The following PINLYP variants were observed in gnomAD, a reference collection of about 807,000 sequenced individuals.
PINLYP encodes the protein phospholipase A2 inhibitor and LY6/PLAUR domain containing.
PINLYP carries 12 observed loss-of-function variants against 15.8 expected under a neutral mutation model. The ratio of observed to expected loss-of-function variants is 0.76; its 90% CI spans 0.49 to 1.23. The LOEUF is 1.23. Ranked by LOEUF, PINLYP falls within the 50% of genes most tolerant of loss-of-function variation. The probability of loss-of-function intolerance (pLI) is 0.00; values close to 1 mark genes in which losing one functional copy is unlikely to be tolerated. For synonymous variants in PINLYP, 93 were observed against 97.7 expected, an observed-to-expected ratio of 0.95 and a Z score of 0.28; for missense variants, 278 against 264.2, an observed-to-expected ratio of 1.05 and a Z score of -0.36.
At chr19:43,577,376 CG>C in intron 2 of PINLYP, 115 bp downstream of exon 2, 1 of 1,099,208 alleles carries the variant, frequency 9.1e-7, no homozygotes, top group Middle Eastern at 2.2e-4. Flanking sequence ...TCAAGGTGAA[CG>C]GGGAGGCATT....
intron 3 of PINLYP, chr19:43,580,816 G>C: frequency 1.7e-6 from 1 of 592,796 alleles, no homozygotes; most frequent in Non-Finnish European, 2.2e-6. Flanking sequence ...AGACCGCCCC[G>C]GCCGGGCTGG....
chr19:43,581,437 G>A (rs1231427380), intron 4 of PINLYP, 73 bp downstream of exon 4: 3 of 1,521,694 alleles, frequency 2.0e-6, no homozygotes, highest in African/African-American at 1.4e-5. Context: ...TGCTGGCTCT[G>A]AGCCTGTTTC....
chr19:43,579,468 A>G (rs2146082268), intron 3 of PINLYP, among the ~76,000 whole-genome samples: 1 of 151,476 alleles, frequency 6.6e-6, no homozygotes, highest in African/African-American at 2.4e-5. Flanking sequence ...GCTGGTCTCT[A>G]ACTCCTGACC....
chr19:43,580,044 C>G (rs376196542), intron 3 of PINLYP, among the ~76,000 whole-genome samples: 1 of 152,090 alleles, frequency 6.6e-6, no homozygotes, highest in South Asian at 2.1e-4. Context: ...AAGAGACTTT[C>G]AATCACAGGA....
chr19:43,578,573 C>A lies in PINLYP; in HGVS notation c.71-17C>A. ...CACCACCCATGACTACAGCCTCGCC[C>A]TCTGTCTACACTGCAGGGTGCCCAC... On this transcript the variant is annotated splice_polypyrimidine_tract_variant and intron_variant, in intron 2 of 5. Transcript: ENST00000599207. The A allele has an allele frequency of 6.5e-7, 1 of 1,528,284 alleles. No individual in the cohort carries two copies. The highest frequency in any genetic ancestry group is 8.8e-7 in the Non-Finnish European group (1 of 1,140,392). 94.7% of individuals were successfully genotyped at this position (1,528,284 alleles called of 1,614,324 possible).
intron 1 of PINLYP, 71 bp downstream of exon 1, chr19:43,576,990 C>T (rs1972873402): frequency 2.2e-6 from 2 of 910,200 alleles, no homozygotes; most frequent in Admixed American, 5.8e-5. Flanking sequence ...CTCCTGGGGT[C>T]TCCATGGAGG....
intron 2 of PINLYP, among the ~76,000 whole-genome samples, chr19:43,577,731 C>T (rs1437776417): frequency 1.3e-5 from 2 of 148,206 alleles, no homozygotes; most frequent in East Asian, 1.9e-4. Flanking sequence ...GGTGAAACCC[C>T]GTCTTTACTA....
exon 6 of PINLYP, chr19:43,581,987 A>C (rs1421959328): frequency 1.1e-5 from 17 of 1,536,034 alleles, no homozygotes; most frequent in Non-Finnish European, 1.5e-5. Flanking sequence ...TATAGAGTGC[A>C]CTCACTCCCC....
intron 2 of PINLYP, 45 bp downstream of exon 2, chr19:43,577,306 G>C (rs911096024): frequency 9.9e-6 from 15 of 1,518,976 alleles, no homozygotes; most frequent in African/African-American, 2.8e-5. Flanking sequence ...CTCAGGAAGA[G>C]AGAGGTCCCA....
chr19:43,577,024 C>G, intron 1 of PINLYP, 91 bp from the exon 2 acceptor site: 2 of 1,304,276 alleles, frequency 1.5e-6, no homozygotes, highest in Middle Eastern at 2.7e-4. Context: ...ACAAGATGCC[C>G]AGGTCACTTT....
In PINLYP at chr19:43,576,476, CCA is replaced by C. The variant is rs35099263; in HGVS notation, c.-503_-502del. Among the ~76,000 whole-genome samples, 7 of 150,384 alleles carry C rather than the reference CCA, an allele frequency of 4.7e-5. No individual in the cohort carries two copies. The highest frequency in any genetic ancestry group is 8.9e-5 in the Non-Finnish European group (6 of 67,390). ...ACACAAAGCATGTGCCCAACCCCCA[CCA>C]CACACACACACACACACCCCTATCC... On this transcript the variant is annotated 5_prime_UTR_variant, in exon 1 of 6. It removes the in-frame stop codon of an upstream open reading frame in the 5' UTR. Coordinates refer to ENST00000599207, the Ensembl canonical transcript of PINLYP.
chr19:43,578,805 C>T lies in PINLYP; in HGVS notation c.187+99C>T, dbSNP rs111321245. On this transcript the variant is annotated intron_variant, in intron 3 of 5. Coordinates refer to ENST00000599207, the Ensembl canonical transcript of PINLYP. ...GGGGGGATCATCATGGTTCTCAAGA[C>T]GGGAGCGTGGGAAGAAATCAGTGGA... 169 of 886,740 alleles carry T rather than the reference C, an allele frequency of 1.9e-4. 1 individual carries two copies. The South Asian group carries it at 2.2e-3, about 11-fold the overall frequency. The allele number at this position is 886,740 out of a possible 1,614,324, so 54.9% of individuals were successfully genotyped here.
At chr19:43,577,657 CT>C (rs1157102184) in intron 2 of PINLYP, among the ~76,000 whole-genome samples, 1 of 151,232 alleles carries the variant, frequency 6.6e-6, no homozygotes, top group African/African-American at 2.4e-5. Flanking sequence ...AACCCCAGCA[CT>C]TTAAGAGGCC....
At chr19:43,579,161 T>C (rs771847343) in intron 3 of PINLYP, 24 of 189,568 alleles carry the variant, frequency 1.3e-4, no homozygotes, top group Admixed American at 4.4e-4. Flanking sequence ...GGAGAGATGA[T>C]GGTGGAGTGT....
chr19:43,581,268 T>TCCGGCGTTTAC lies in PINLYP; in HGVS notation c.252_253insTACCCGGCGTT (p.Ile85TyrfsTer16). 6.5e-7 allele frequency: 1 copy of TCCGGCGTTTAC among 1,537,142 alleles called. No individual in the cohort carries two copies. The highest frequency in any genetic ancestry group is 8.7e-7 in the Non-Finnish European group (1 of 1,146,944). On this transcript the variant is annotated frameshift_variant, in exon 4 of 6. Transcript: ENST00000599207. LOFTEE classifies it high-confidence loss of function. Reference sequence around the variant, plus strand: ...CTGCATCAGGTCCCAGGACTGCTACTCCGGCGTTATATCCACCACCATGGG... The same window carrying TCCGGCGTTTAC: ...CTGCATCAGGTCCCAGGACTGCTACTCCGGCGTTTACCCGGCGTTATATCCACCACCATGGG...
chr19:43,581,623 G>A, exon 5 of PINLYP: 3 of 1,536,596 alleles, frequency 2.0e-6, no homozygotes, highest in Non-Finnish European at 2.6e-6. Context: ...GCGAGCTTCA[G>A]GGACAAATGC....
chr19:43,580,432 A>C, intron 3 of PINLYP: 5 of 709,108 alleles, frequency 7.1e-6, no homozygotes, highest in Non-Finnish European at 8.6e-6. Context: ...CTGAGGAGTG[A>C]CCATGGCAGG....
intron 3 of PINLYP, among the ~76,000 whole-genome samples, chr19:43,579,510 G>A (rs912850006): frequency 2.5e-4 from 38 of 151,464 alleles, no homozygotes; most frequent in Non-Finnish European, 4.9e-4. Flanking sequence ...ACCTCCCAAA[G>A]TGCTGGGATT....
At chr19:43,581,001 G>A (rs1972924218) in intron 3 of PINLYP, 2 of 537,026 alleles carry the variant, frequency 3.7e-6, no homozygotes, top group South Asian at 3.2e-5. Context: ...TACTCGGGAG[G>A]TGGAGGTTGC....
Sources: allele counts gnomAD v4.1 joint callset (sites outside exome capture counted in the v4.1 genomes callset), GRCh38; gene constraint gnomAD v4.1.1; transcripts MANE v1.5; gene names NCBI Gene and HGNC (gene_info 2026-07-23, HGNC 2026-07-21).